NALF1: variants seen among roughly 807,000 people sequenced by gnomAD.
NALF1 encodes family with sequence similarity 155 member A.
NALF1 carries 3 observed loss-of-function variants against 48.4 expected under a neutral mutation model. The observed-to-expected ratio is 0.06, with a 90% CI of 0.03 to 0.16. The LOEUF (loss-of-function observed/expected upper bound fraction) is 0.16, where lower values mean the gene tolerates loss of function less well. NALF1 is among the 10% of genes least tolerant of loss of function. NALF1 has a pLI of 1.00. For missense variants in NALF1, 526 were observed against 571.5 expected (o/e 0.92, Z 0.81); for synonymous variants, 262 against 245.7 (o/e 1.07, Z -0.62).
At chr13:107,664,294 A>C (rs1299795154) in intron 1 of NALF1, among the ~76,000 whole-genome samples, 1 of 152,086 alleles carries the variant, frequency 6.6e-6, no homozygotes, top group East Asian at 1.9e-4. Flanking sequence ...GAGACTTACA[A>C]CCCAATGGCT....
chr13:107,397,754 C>G (rs569228930), intron 1 of NALF1, among the ~76,000 whole-genome samples: 1 of 152,058 alleles, frequency 6.6e-6, no homozygotes, highest in Admixed American at 6.5e-5. Context: ...TACCTAAGCC[C>G]TGGTGCTAGC....
rs201234201 is a variant in NALF1, at chr13:107,222,023, G to GC, written c.916-11269dup. On this transcript the variant is annotated intron_variant, in intron 1 of 2. Transcript: ENST00000375915. Reference sequence around the variant, plus strand: ...CTTCGGCAACTGTTATGTGCGTTTTGCTTTAGAGTGAAAGATTTTAAAGAT... The same window carrying GC: ...CTTCGGCAACTGTTATGTGCGTTTTGCCTTTAGAGTGAAAGATTTTAAAGAT... Among the ~76,000 whole-genome samples the GC allele has an allele frequency of 1.1e-4, 16 of 152,250 alleles. No homozygotes were observed. In the East Asian group the frequency reaches 1.5e-3, roughly 15 times the overall value.
intron 1 of NALF1, among the ~76,000 whole-genome samples, chr13:107,378,796 G>A (rs2031446824): frequency 6.6e-6 from 1 of 152,056 alleles, no homozygotes; most frequent in South Asian, 2.1e-4. Context: ...GAAATGGTGG[G>A]TATTACAGCA....
intron 1 of NALF1, among the ~76,000 whole-genome samples, chr13:107,679,417 C>T (rs1006722132): frequency 2.0e-5 from 3 of 152,100 alleles, no homozygotes; most frequent in Non-Finnish European, 2.9e-5. Flanking sequence ...GTCAAAGAAG[C>T]GAGTGTTAGA....
chr13:107,221,600 AT>A (rs1382515276), intron 1 of NALF1, among the ~76,000 whole-genome samples: 2 of 152,158 alleles, frequency 1.3e-5, no homozygotes, highest in East Asian at 3.9e-4. Context: ...AAGTAAAAAA[AT>A]AAAAAAGAAC....
At chr13:107,446,858 A>G (rs1040416309) in intron 1 of NALF1, among the ~76,000 whole-genome samples, 8 of 152,354 alleles carry the variant, frequency 5.3e-5, no homozygotes, top group Admixed American at 3.9e-4. Context: ...CTGAAGCATT[A>G]ATGCTTAAAA....
chr13:107,180,848 C>A (rs1163035087), intron 2 of NALF1, among the ~76,000 whole-genome samples: 1 of 151,582 alleles, frequency 6.6e-6, no homozygotes, highest in Non-Finnish European at 1.5e-5. Context: ...GTTTATATGG[C>A]GTGAAATTTA....
At chr13:107,623,421 G>T (rs1027466640) in intron 1 of NALF1, among the ~76,000 whole-genome samples, 9 of 150,908 alleles carry the variant, frequency 6.0e-5, no homozygotes, top group African/African-American at 2.2e-4. Context: ...TCATTTCCAG[G>T]CTTGGAAACA....
intron 1 of NALF1, among the ~76,000 whole-genome samples, chr13:107,357,168 T>C (rs1882977442): frequency 6.6e-6 from 1 of 152,164 alleles, no homozygotes; most frequent in Admixed American, 6.5e-5. Flanking sequence ...AGAGGTTTAA[T>C]TGACTCCCAG....
At chr13:107,286,600 A>AT (rs1349454854) in intron 1 of NALF1, among the ~76,000 whole-genome samples, 2 of 149,792 alleles carry the variant, frequency 1.3e-5, no homozygotes, top group Non-Finnish European at 3.0e-5. Context: ...AAAAAAAAAA[A>AT]AAAAGAAAGA....
chr13:107,268,061 A>C (rs1168337913), intron 1 of NALF1, among the ~76,000 whole-genome samples: 1 of 137,012 alleles, frequency 7.3e-6, no homozygotes, highest in Non-Finnish European at 1.5e-5. Flanking sequence ...ATCTCGGCTC[A>C]CTGCAACCTC....
intron 1 of NALF1, among the ~76,000 whole-genome samples, chr13:107,381,061 TATTC>T (rs554947018): frequency 1.3e-5 from 2 of 148,468 alleles, no homozygotes; most frequent in Non-Finnish European, 3.0e-5. Flanking sequence ...AAAAAGTAAA[TATTC>T]ATATATACAT....
At chr13:107,818,820 C>T (rs927337180) in intron 1 of NALF1, among the ~76,000 whole-genome samples, 30 of 124,802 alleles carry the variant, frequency 2.4e-4, no homozygotes, top group African/African-American at 9.0e-4. Flanking sequence ...TGCAGTGAGC[C>T]GAGATCGCGC....
chr13:107,431,157 T>C (rs1168478753), intron 1 of NALF1, among the ~76,000 whole-genome samples: 1 of 152,214 alleles, frequency 6.6e-6, no homozygotes, highest in African/African-American at 2.4e-5. Flanking sequence ...AACACAGTTC[T>C]GTCTGACTCC....
At chr13:107,283,475 T>C (rs1175030833) in intron 1 of NALF1, among the ~76,000 whole-genome samples, 2 of 151,452 alleles carry the variant, frequency 1.3e-5, no homozygotes, top group Non-Finnish European at 2.9e-5. Flanking sequence ...GCAACACAAA[T>C]CGGTTAAAAA....
chr13:107,553,529 C>A (rs1489791681), intron 1 of NALF1, among the ~76,000 whole-genome samples: 2 of 152,088 alleles, frequency 1.3e-5, no homozygotes, highest in African/African-American at 4.8e-5. Flanking sequence ...CTGAAGTTAG[C>A]ATTATGATTT....
intron 1 of NALF1, among the ~76,000 whole-genome samples, chr13:107,376,269 G>GTGTT (rs1267458222): frequency 6.6e-6 from 1 of 152,160 alleles, no homozygotes; most frequent in Admixed American, 6.5e-5. Flanking sequence ...GAATCATCTA[G>GTGTT]TTAAACTGTT....
At chr13:107,344,773 C>G (rs545632253) in intron 1 of NALF1, among the ~76,000 whole-genome samples, 1 of 151,996 alleles carries the variant, frequency 6.6e-6, no homozygotes, top group Non-Finnish European at 1.5e-5. Flanking sequence ...AGGAGCAAGA[C>G]AAGAATGCCC....
At chr13:107,402,604 A>C (rs1375354527) in intron 1 of NALF1, among the ~76,000 whole-genome samples, 1 of 152,174 alleles carries the variant, frequency 6.6e-6, no homozygotes, top group African/African-American at 2.4e-5. Context: ...ACATGGTTTT[A>C]ACTTATGTGT....
Sources: gnomAD v4.1 joint callset for allele counts (sites outside exome capture counted in the v4.1 genomes callset) on GRCh38, gnomAD v4.1.1 for gene constraint, MANE v1.5 for transcripts, NCBI Gene and HGNC (gene_info 2026-07-23, HGNC 2026-07-21) for gene names.